HDAC9: variants seen among roughly 807,000 people sequenced by gnomAD.
The protein encoded by HDAC9 is MEF-2 interacting transcription repressor (MITR) protein.
Under a neutral mutation model 139.4 loss-of-function variants are expected in HDAC9, and 41 were observed. The observed-to-expected ratio is 0.29, with a 90% CI of 0.23 to 0.38. HDAC9 has a LOEUF of 0.38. HDAC9 is among the 10% of genes least tolerant of loss of function. The pLI is 1.00. For synonymous variants in HDAC9, 517 were observed against 476.2 expected, an observed-to-expected ratio of 1.09 and a Z score of -1.12; for missense variants, 1,147 against 1,297.0, an observed-to-expected ratio of 0.88 and a Z score of 1.78.
intron 6 of HDAC9, among the ~76,000 whole-genome samples, chr7:18,599,228 C>T (rs745793131): frequency 2.0e-5 from 3 of 152,086 alleles, no homozygotes; most frequent in Non-Finnish European, 4.4e-5. Context: ...TCCTCCTAAC[C>T]CCTAGGTTTC....
intron 11 of HDAC9, among the ~76,000 whole-genome samples, chr7:18,660,588 G>A (rs1406381916): frequency 6.6e-6 from 1 of 152,046 alleles, no homozygotes; most frequent in Non-Finnish European, 1.5e-5. Flanking sequence ...TTATAGTCTG[G>A]GAGATAACTA....
At chr7:18,908,371 G>A (rs573231308) in intron 22 of HDAC9, among the ~76,000 whole-genome samples, 2 of 151,934 alleles carry the variant, frequency 1.3e-5, no homozygotes, top group Admixed American at 6.6e-5. Flanking sequence ...CACCTCAAGC[G>A]CTTATCATTT....
intron 2 of HDAC9, among the ~76,000 whole-genome samples, chr7:18,234,932 G>T (rs1461874950): frequency 6.6e-6 from 1 of 152,110 alleles, no homozygotes; most frequent in Non-Finnish European, 1.5e-5. Flanking sequence ...CAGAATGTGG[G>T]GTTTTTGTTT....
intron 22 of HDAC9, among the ~76,000 whole-genome samples, chr7:18,913,868 T>C (rs1318409974): frequency 2.0e-5 from 3 of 151,982 alleles, no homozygotes; most frequent in Non-Finnish European, 4.4e-5. Flanking sequence ...AGAAGACAAT[T>C]AGTAATTTGC....
At chr7:18,705,008 CAATT>C (rs1270201156) in intron 12 of HDAC9, among the ~76,000 whole-genome samples, 2 of 152,042 alleles carry the variant, frequency 1.3e-5, no homozygotes, top group African/African-American at 4.8e-5. Context: ...TTCTAGTAGT[CAATT>C]AAAAATAAAG....
chr7:18,529,801 T>C (rs1808241784), intron 2 of HDAC9, among the ~76,000 whole-genome samples: 1 of 152,182 alleles, frequency 6.6e-6, no homozygotes, highest in South Asian at 2.1e-4. Flanking sequence ...TTTTTAAATC[T>C]TTATTGGTTT....
At chr7:18,153,686 C>T (rs1369035845) in intron 1 of HDAC9, among the ~76,000 whole-genome samples, 5 of 152,162 alleles carry the variant, frequency 3.3e-5, no homozygotes, top group Non-Finnish European at 5.9e-5. Flanking sequence ...CAGTGCAAAT[C>T]GGCTTTAGGG....
At chr7:18,373,253 T>C (rs1385267025) in intron 1 of HDAC9, among the ~76,000 whole-genome samples, 1 of 152,130 alleles carries the variant, frequency 6.6e-6, no homozygotes, top group African/African-American at 2.4e-5. Flanking sequence ...GAAAAGGTGG[T>C]GTAGTAAGAA....
intron 13 of HDAC9, among the ~76,000 whole-genome samples, chr7:18,746,052 G>T (rs1173961226): frequency 6.6e-6 from 1 of 151,054 alleles, no homozygotes; most frequent in Non-Finnish European, 1.5e-5. Flanking sequence ...AAAAATTTTT[G>T]TGGAGACAGG....
chr7:18,775,776 A>G (rs762594181), intron 16 of HDAC9, among the ~76,000 whole-genome samples: 39 of 151,982 alleles, frequency 2.6e-4, no homozygotes, highest in Non-Finnish European at 5.2e-4. Flanking sequence ...ATAATTGTCA[A>G]CTCTGGTAGG....
intron 1 of HDAC9, among the ~76,000 whole-genome samples, chr7:18,145,282 A>G (rs1786225049): frequency 6.6e-6 from 1 of 152,222 alleles, no homozygotes; most frequent in South Asian, 2.1e-4. Flanking sequence ...GCAAGCACTC[A>G]ATAAGAAGCA....
At chr7:18,449,806 A>G (rs1368818172) in intron 1 of HDAC9, among the ~76,000 whole-genome samples, 1 of 152,194 alleles carries the variant, frequency 6.6e-6, no homozygotes, top group African/African-American at 2.4e-5. Flanking sequence ...CAAGTTTATT[A>G]TAAAATTTAA....
chr7:18,954,618 GA>G (rs922513606), intron 24 of HDAC9, among the ~76,000 whole-genome samples: 22 of 151,102 alleles, frequency 1.5e-4, no homozygotes, highest in Middle Eastern at 3.4e-3. Context: ...GTCAAGAGAG[GA>G]AAAAAAAATT....
chr7:18,485,632 ATAT>A (rs1377219885), intron 1 of HDAC9, among the ~76,000 whole-genome samples: 2 of 151,814 alleles, frequency 1.3e-5, no homozygotes, highest in Non-Finnish European at 2.9e-5. Flanking sequence ...TATTAATATT[ATAT>A]TATAATCATA....
At chr7:18,359,851 C>T (rs1296211498) in intron 1 of HDAC9, among the ~76,000 whole-genome samples, 2 of 152,146 alleles carry the variant, frequency 1.3e-5, no homozygotes, top group African/African-American at 2.4e-5. Flanking sequence ...TCAGGTGATC[C>T]GCCCACCTCG....
At chr7:18,617,494 T>C (rs1838969421) in intron 6 of HDAC9, among the ~76,000 whole-genome samples, 1 of 152,148 alleles carries the variant, frequency 6.6e-6, no homozygotes, top group Admixed American at 6.6e-5. Context: ...AGTGCCCTCT[T>C]CAATAGTTCA....
chr7:18,118,102 T>A (rs1256611251), intron 1 of HDAC9, among the ~76,000 whole-genome samples: 2 of 152,336 alleles, frequency 1.3e-5, no homozygotes, highest in African/African-American at 4.8e-5. Flanking sequence ...AACCCCATAG[T>A]AAAGCCAGGG....
chr7:18,916,236 G>A (rs573706598), intron 22 of HDAC9, among the ~76,000 whole-genome samples: 32 of 152,086 alleles, frequency 2.1e-4, no homozygotes, highest in Middle Eastern at 3.4e-3. Flanking sequence ...CCATTTCTTG[G>A]AGCATTGAAG....
chr7:18,320,156 A>G (rs1008079615), intron 1 of HDAC9, among the ~76,000 whole-genome samples: 5 of 152,232 alleles, frequency 3.3e-5, no homozygotes, highest in Admixed American at 2.6e-4. Context: ...TGAGGGGCCC[A>G]GTGATCATCA....
Sources: gnomAD v4.1 joint callset for allele counts (sites outside exome capture counted in the v4.1 genomes callset) on GRCh38, gnomAD v4.1.1 for gene constraint, MANE v1.5 for transcripts, NCBI Gene and HGNC (gene_info 2026-07-23, HGNC 2026-07-21) for gene names.